The following GADL1 variants were observed in gnomAD, a reference collection of about 807,000 sequenced individuals.
GADL1 encodes acidic amino acid decarboxylase GADL1.
In GADL1, 71 loss-of-function variants were observed where a neutral mutation model predicts 69.5. The ratio of observed to expected loss-of-function variants is 1.02; its 90% CI spans 0.84 to 1.25. The LOEUF is 1.25. Ranked by LOEUF, GADL1 falls within the 50% of genes most tolerant of loss-of-function variation. The pLI, the probability that GADL1 is intolerant of heterozygous loss-of-function variation, is 0.00. For synonymous variants in GADL1, 254 were observed against 214.4 expected (o/e 1.18, Z -1.62); for missense variants, 737 against 631.8 (o/e 1.17, Z -1.79).
chr3:30,825,729 A>G (rs1296207185), intron 11 of GADL1, among the ~76,000 whole-genome samples: 1 of 151,862 alleles, frequency 6.6e-6, no homozygotes, highest in Non-Finnish European at 1.5e-5. Flanking sequence ...ATGAGAACCC[A>G]TGGACACAGG....
At chr3:30,737,219 A>T (rs1695552503) in intron 14 of GADL1, among the ~76,000 whole-genome samples, 1 of 152,128 alleles carries the variant, frequency 6.6e-6, no homozygotes, top group Non-Finnish European at 1.5e-5. Context: ...GTGAATGATG[A>T]TCTCTTACTT....
At chr3:30,841,217 T>C (rs1160683519) in intron 8 of GADL1, among the ~76,000 whole-genome samples, 1 of 152,202 alleles carries the variant, frequency 6.6e-6, no homozygotes, top group African/African-American at 2.4e-5. Flanking sequence ...GGTTTGTCCT[T>C]GGTGAATCCA....
At chr3:30,821,556 C>G (rs1447526404) in intron 11 of GADL1, among the ~76,000 whole-genome samples, 1 of 151,724 alleles carries the variant, frequency 6.6e-6, no homozygotes, top group African/African-American at 2.4e-5. Flanking sequence ...TAAAAAGAAT[C>G]TTTGTGTGAA....
chr3:30,832,339 TA>T (rs72276746), intron 11 of GADL1, among the ~76,000 whole-genome samples: 9,311 of 139,098 alleles, frequency 0.067, 578 homozygotes, highest in African/African-American at 0.16. Context: ...ATGAATTCTT[TA>T]AAAAAAAAAA....
intron 12 of GADL1, among the ~76,000 whole-genome samples, chr3:30,795,925 TCA>T (rs1390077786): frequency 2.0e-5 from 3 of 152,154 alleles, no homozygotes; most frequent in Non-Finnish European, 4.4e-5. Flanking sequence ...TAAACATAGG[TCA>T]CAGTCTGCAG....
At chr3:30,848,722 T>C (rs776039734) in intron 6 of GADL1, among the ~76,000 whole-genome samples, 9 of 152,216 alleles carry the variant, frequency 5.9e-5, no homozygotes, top group Non-Finnish European at 1.2e-4. Context: ...GCCCACCTTG[T>C]TGCAGCTGGA....
At chr3:30,759,684 C>T (rs1575188956) in intron 14 of GADL1, among the ~76,000 whole-genome samples, 1 of 152,274 alleles carries the variant, frequency 6.6e-6, no homozygotes, top group Non-Finnish European at 1.5e-5. Flanking sequence ...AGATTAGGTT[C>T]TTCAGAAATA....
intron 12 of GADL1, 68 bp from the exon 13 acceptor site, chr3:30,786,474 G>T: frequency 1.2e-6 from 1 of 820,804 alleles, no homozygotes; most frequent in South Asian, 1.4e-5. Context: ...TGACTGATAT[G>T]ACAAAACTGA....
chr3:30,869,469 G>A (rs1445440914), intron 1 of GADL1, among the ~76,000 whole-genome samples: 5 of 151,806 alleles, frequency 3.3e-5, no homozygotes, highest in Non-Finnish European at 7.4e-5. Flanking sequence ...GACAAATGTG[G>A]CAACTTAGTC....
At chr3:30,767,280 A>G (rs304830) in intron 14 of GADL1, among the ~76,000 whole-genome samples, 131,572 of 152,120 alleles carry the variant, frequency 0.86, 57,456 homozygotes, top group African/African-American at 0.96. Flanking sequence ...TAACTTAAAG[A>G]GTTCTAAAAC....
At chr3:30,743,808 G>A (rs1575180912) in intron 14 of GADL1, among the ~76,000 whole-genome samples, 1 of 152,314 alleles carries the variant, frequency 6.6e-6, no homozygotes, top group East Asian at 1.9e-4. Flanking sequence ...AGGGCCTGCT[G>A]TAGGAGGAGT....
At chr3:30,805,734 CT>C (rs34788058) in intron 11 of GADL1, among the ~76,000 whole-genome samples, 1,194 of 66,084 alleles carry the variant, frequency 0.018, 7 homozygotes, top group African/African-American at 0.04. Context: ...AGTCCCCAGC[CT>C]TTTTTTTTTT....
At chr3:30,810,578 C>A (rs1308492010) in intron 11 of GADL1, among the ~76,000 whole-genome samples, 1 of 152,068 alleles carries the variant, frequency 6.6e-6, no homozygotes, top group South Asian at 2.1e-4. Flanking sequence ...CCTCACTTTC[C>A]CACTGTGTAT....
At chr3:30,789,742 A>G (rs1260647470) in intron 12 of GADL1, among the ~76,000 whole-genome samples, 1 of 152,138 alleles carries the variant, frequency 6.6e-6, no homozygotes, top group East Asian at 1.9e-4. Context: ...ATGTTATGAG[A>G]CAGCTTCTGC....
chr3:30,774,587 T>C (rs978309938), intron 14 of GADL1, among the ~76,000 whole-genome samples: 1 of 138,116 alleles, frequency 7.2e-6, no homozygotes, highest in African/African-American at 3.5e-5. Flanking sequence ...AAGAATCTTA[T>C]CACTTCCTTA....
intron 9 of GADL1, among the ~76,000 whole-genome samples, chr3:30,834,908 A>G (rs1697849957): frequency 6.6e-6 from 1 of 152,104 alleles, no homozygotes. Context: ...ACAGGTCTGG[A>G]GCAAAGGGAG....
intron 4 of GADL1, among the ~76,000 whole-genome samples, chr3:30,853,357 A>G (rs1698179160): frequency 6.8e-6 from 1 of 146,378 alleles, no homozygotes; most frequent in Non-Finnish European, 1.5e-5. Context: ...AAAATTCTCA[A>G]GTGATTTTCA....
intron 8 of GADL1, among the ~76,000 whole-genome samples, chr3:30,839,818 G>C (rs1697938348): frequency 1.3e-5 from 2 of 152,090 alleles, no homozygotes; most frequent in Admixed American, 6.5e-5. Flanking sequence ...GTGGGAAATA[G>C]AGAAGAAAAG....
chr3:30,857,024 C>T lies in GADL1; in HGVS notation c.328G>A (p.Val110Ile). ...ELCRDVIHYS[V>I]KTNHPRFFNQ... is the part of the protein sequence containing the mutation. Reference sequence around the variant, plus strand: ...AAATTAAAGTTCTTACTAGTTTTGACACTGTAGTGTATGACATCCCGACAG... The same window carrying T: ...AAATTAAAGTTCTTACTAGTTTTGATACTGTAGTGTATGACATCCCGACAG... Residue 110 changes from valine (V) to isoleucine (I), a missense_variant, in exon 3 of 15, where the codon GTC becomes ATC. Val to Ile is a conservative substitution (Grantham distance 29). Coordinates refer to ENST00000282538, the MANE Select transcript of GADL1 (RefSeq NM_207359.3). 2 of 1,549,444 alleles carry T rather than the reference C, an allele frequency of 1.3e-6. No homozygotes were observed. The highest frequency in any genetic ancestry group is 2.4e-5 in the South Asian group (2 of 83,922).
Sources: gnomAD v4.1 joint callset for allele counts (sites outside exome capture counted in the v4.1 genomes callset) on GRCh38, gnomAD v4.1.1 for gene constraint, MANE v1.5 for transcripts, NCBI Gene and HGNC (gene_info 2026-07-23, HGNC 2026-07-21) for gene names.